NBEAL1: variants seen among roughly 807,000 people sequenced by gnomAD.
The protein encoded by NBEAL1 is neurobeachin-like protein 1.
In NBEAL1, 273 loss-of-function variants were observed where a neutral mutation model predicts 351.3. The ratio of observed to expected loss-of-function variants is 0.78; its 90% CI spans 0.70 to 0.86. NBEAL1 has a LOEUF of 0.86. NBEAL1 is among the 40% of genes least tolerant of loss of function. The pLI, the probability that NBEAL1 is intolerant of heterozygous loss-of-function variation, is 0.00. For synonymous variants in NBEAL1, 1,050 were observed against 1,086.4 expected (o/e 0.97, Z 0.66); for missense variants, 2,961 against 3,201.3 (o/e 0.92, Z 1.81).
chr2:203,143,022 C>T (rs1156620295), intron 31 of NBEAL1, among the ~76,000 whole-genome samples: 1 of 152,184 alleles, frequency 6.6e-6, no homozygotes, highest in Non-Finnish European at 1.5e-5. Flanking sequence ...CAGCGCAGAC[C>T]AGCTTTTGGC....
Position 203,211,047 on chromosome 2 carries a change from C to T in NBEAL1, c.7875C>T (p.Ile2625=), listed in dbSNP as rs370994169. Residue 2625 remains isoleucine, a synonymous_variant, in exon 54 of 56, where the codon ATC becomes ATT. Coordinates refer to ENST00000683969, the MANE Select transcript of NBEAL1 (RefSeq NM_001378026.1). ...AACAAGTATCAGATATATGTATAAT[C>T]GGAGAACACATTGTCACAGGCAGCA... ...LKEQVSDICI[I]GEHIVTGSIQ... 52 of 1,606,838 alleles carry T rather than the reference C, an allele frequency of 3.2e-5. No individual in the cohort carries two copies. In the African/African-American group the frequency reaches 3.9e-4, roughly 12 times the overall value.
At chr2:203,195,978 G>A (rs1213257633) in intron 47 of NBEAL1, among the ~76,000 whole-genome samples, 1 of 152,174 alleles carries the variant, frequency 6.6e-6, no homozygotes, top group Admixed American at 6.5e-5. Flanking sequence ...AGGATGAACT[G>A]TTCGCCAGCC....
chr2:203,037,248 A>T (rs2061055988), intron 2 of NBEAL1, among the ~76,000 whole-genome samples: 1 of 149,128 alleles, frequency 6.7e-6, no homozygotes, highest in South Asian at 2.1e-4. Context: ...CGGGGAAATA[A>T]GTTCCTTGAG....
intron 2 of NBEAL1, among the ~76,000 whole-genome samples, chr2:203,025,891 T>C (rs2060848517): frequency 6.6e-6 from 1 of 152,280 alleles, no homozygotes; most frequent in African/African-American, 2.4e-5. Flanking sequence ...CTTTTTTTTT[T>C]ATCCCATCAT....
intron 12 of NBEAL1, among the ~76,000 whole-genome samples, chr2:203,102,819 C>T (rs2062354974): frequency 6.6e-6 from 1 of 152,140 alleles, no homozygotes; most frequent in African/African-American, 2.4e-5. Context: ...ATGTTGGCCT[C>T]ATAGAAGGAG....
rs1438321204 is a variant in NBEAL1, at chr2:203,016,399, G to A, written c.15G>A (p.Glu5=). ...TGAAAGCCAGAATGGCATCCAGAGA[G>A]AGGCTCTTTGAACTTTGGATGCTTT... MASR[E]RLFELWMLYC... The change falls in exon 2 of 56, where the codon GAG becomes GAA. Residue 5 remains glutamate (E), a synonymous_variant. Coordinates refer to ENST00000683969, the MANE Select transcript of NBEAL1 (RefSeq NM_001378026.1). 6.7e-6 allele frequency: 10 copies of A among 1,493,870 alleles called. No individual in the cohort carries two copies. Among genetic ancestry groups the A allele is most frequent in the Admixed American group, 4.0e-5 (2 of 49,622 alleles). The allele number at this position is 1,493,870 out of a possible 1,614,324, so 92.5% of individuals were successfully genotyped here.
chr2:203,192,426 C>T (rs1010745643), intron 46 of NBEAL1, among the ~76,000 whole-genome samples: 1 of 150,986 alleles, frequency 6.6e-6, no homozygotes, highest in Non-Finnish European at 1.5e-5. Context: ...CCCTTGTTGC[C>T]CAGTCTGGAG....
intron 2 of NBEAL1, among the ~76,000 whole-genome samples, chr2:203,030,907 T>G (rs1184089712): frequency 6.6e-6 from 1 of 152,112 alleles, no homozygotes; most frequent in African/African-American, 2.4e-5. Context: ...CACAGCCACT[T>G]GGGAGACTGA....
Position 203,145,026 on chromosome 2 carries a change from A to T in NBEAL1, c.5170A>T (p.Lys1724Ter). ...TTTTGGTAAGATTGTACCTTATATG[A>T]AGCAGTATGAAGCTCATACATTTTA... ...YIEKYIVPYM[K>*]QYEAHTFYDG... Residue 1724 changes from lysine to a stop codon, truncating the protein, a stop_gained, in exon 33 of 56, where the codon AAG (lysine) becomes TAG (stop). Coordinates refer to ENST00000683969, the MANE Select transcript of NBEAL1 (RefSeq NM_001378026.1). LOFTEE classifies it high-confidence loss of function. The T allele has an allele frequency of 6.3e-7, 1 of 1,592,628 alleles. No homozygotes were observed. Among genetic ancestry groups the T allele is most frequent in the Non-Finnish European group, 8.5e-7 (1 of 1,172,014 alleles).
chr2:203,200,340 A>G (rs184757271), intron 49 of NBEAL1, among the ~76,000 whole-genome samples: 2 of 152,196 alleles, frequency 1.3e-5, no homozygotes, highest in African/African-American at 2.4e-5. Flanking sequence ...GTGAAACCCC[A>G]TCTCTACTAA....
intron 7 of NBEAL1, among the ~76,000 whole-genome samples, chr2:203,071,967 C>T (rs1049951174): frequency 3.9e-5 from 6 of 152,170 alleles, no homozygotes; most frequent in Admixed American, 1.3e-4. Context: ...CAGGTCTCTG[C>T]AAGGGCCCCA....
intron 46 of NBEAL1, among the ~76,000 whole-genome samples, 168 bp from the exon 47 acceptor site, chr2:203,193,627 G>A (rs1317872200): frequency 6.6e-6 from 1 of 152,072 alleles, no homozygotes; most frequent in African/African-American, 2.4e-5. Context: ...CCAAAGAAAT[G>A]AAAAAAGTAG....
intron 4 of NBEAL1, among the ~76,000 whole-genome samples, chr2:203,056,005 G>A (rs1274896258): frequency 1.3e-5 from 2 of 152,122 alleles, no homozygotes; most frequent in African/African-American, 4.8e-5. Context: ...TGATTATAGT[G>A]CACATGTTAT....
chr2:203,220,797 G>A lies in NBEAL1; in HGVS notation c.*3443G>A, dbSNP rs2065946360. Among the ~76,000 whole-genome samples the A allele has an allele frequency of 3.3e-5, 5 of 152,292 alleles. No homozygotes were observed. In the South Asian group the frequency reaches 1.0e-3, roughly 32 times the overall value. On this transcript the variant is annotated 3_prime_UTR_variant, in exon 56 of 56. Coordinates refer to ENST00000683969, the MANE Select transcript of NBEAL1 (RefSeq NM_001378026.1). ...AAAAATCAGGAAAGTATATAAAAAT[G>A]AAGTTTGGCAAGTTGGTTTAGTCTT... is the stretch of plus-strand genomic sequence containing the variant.
chr2:203,165,202 G>A (rs946939283), intron 36 of NBEAL1, among the ~76,000 whole-genome samples: 1 of 152,010 alleles, frequency 6.6e-6, no homozygotes, highest in African/African-American at 2.4e-5. Flanking sequence ...AGTCACCTAG[G>A]CCACCAAAAG....
chr2:203,150,635 C>T (rs1390707493), intron 34 of NBEAL1, among the ~76,000 whole-genome samples: 1 of 151,824 alleles, frequency 6.6e-6, no homozygotes, highest in African/African-American at 2.4e-5. Flanking sequence ...TCTAAGAAAC[C>T]ATTGCCAAGT....
At chr2:203,112,398 C>T (rs1270338545) in intron 16 of NBEAL1, among the ~76,000 whole-genome samples, 1 of 152,196 alleles carries the variant, frequency 6.6e-6, no homozygotes, top group East Asian at 1.9e-4. Context: ...TTAATAAAAG[C>T]TCTCTAAGTA....
intron 24 of NBEAL1, among the ~76,000 whole-genome samples, chr2:203,128,244 A>G (rs997404557): frequency 1.4e-5 from 2 of 145,032 alleles, no homozygotes; most frequent in Admixed American, 7.0e-5. Context: ...GCACCCCCAC[A>G]CTGAGCTAAT....
At chr2:203,135,555 A>G (rs1157284227) in intron 27 of NBEAL1, 122 bp from the exon 28 acceptor site, 3 of 637,780 alleles carry the variant, frequency 4.7e-6, no homozygotes, top group Non-Finnish European at 7.8e-6. Context: ...AATCTTTTGA[A>G]AGTATATTCT....
Sources: allele counts gnomAD v4.1 joint callset (sites outside exome capture counted in the v4.1 genomes callset), GRCh38; gene constraint gnomAD v4.1.1; transcripts MANE v1.5; gene names NCBI Gene and HGNC (gene_info 2026-07-23, HGNC 2026-07-21).